The following LPA variants were observed in gnomAD, a reference collection of about 807,000 sequenced individuals.
LPA encodes the protein apolipoprotein(a).
Under a neutral mutation model 197.9 loss-of-function variants are expected in LPA, and 199 were observed. The ratio of observed to expected loss-of-function variants is 1.01; its 90% confidence interval spans 0.90 to 1.13. LPA has a LOEUF of 1.13. LPA is among the 50% of genes most tolerant of loss of function. LPA has a pLI of 0.00. For synonymous variants in LPA, 715 were observed against 639.5 expected (o/e 1.12, Z -1.78); for missense variants, 1,853 against 1,785.8 (o/e 1.04, Z -0.68).
chr6:160,606,243 T>A (rs1257619706), intron 17 of LPA, among the ~76,000 whole-genome samples: 1 of 152,114 alleles, frequency 6.6e-6, no homozygotes, highest in Non-Finnish European at 1.5e-5. Flanking sequence ...AGTTGTGAAG[T>A]CGATCACCCT....
intron 20 of LPA, 123 bp downstream of exon 20, chr6:160,599,377 A>T: frequency 7.0e-7 from 1 of 1,434,456 alleles, no homozygotes; most frequent in Non-Finnish European, 9.8e-7. Flanking sequence ...ACTTTTGCTC[A>T]CAGGAAATGT....
intron 28 of LPA, among the ~76,000 whole-genome samples, chr6:160,567,692 C>T (rs920344498): frequency 2.6e-4 from 40 of 151,996 alleles, no homozygotes; most frequent in Non-Finnish European, 4.1e-4. Flanking sequence ...TTCAAAACAT[C>T]AATGAATCCA....
chr6:160,568,814 A>G (rs1217480618), intron 28 of LPA, among the ~76,000 whole-genome samples: 1 of 152,222 alleles, frequency 6.6e-6, no homozygotes, highest in East Asian at 1.9e-4. Flanking sequence ...TCAATGTGCA[A>G]AAATCACAAG....
intron 30 of LPA, among the ~76,000 whole-genome samples, chr6:160,550,018 C>T (rs550001855): frequency 1.2e-3 from 180 of 152,250 alleles, no homozygotes; most frequent in Admixed American, 2.8e-3. Context: ...GTCAACAGAG[C>T]GAGACCATCT....
At chr6:160,610,457 A>G (rs1412559103) in intron 16 of LPA, among the ~76,000 whole-genome samples, 1 of 152,182 alleles carries the variant, frequency 6.6e-6, no homozygotes, top group African/African-American at 2.4e-5. Context: ...TCTAGCTGGT[A>G]AGAACTCCAA....
chr6:160,580,061 G>A (rs1355707194), intron 26 of LPA, among the ~76,000 whole-genome samples: 2 of 152,132 alleles, frequency 1.3e-5, no homozygotes, highest in African/African-American at 4.8e-5. Context: ...CCCACGGCCA[G>A]TGTCAAATGC....
intron 1 of LPA, among the ~76,000 whole-genome samples, chr6:160,653,439 C>T (rs956642877): frequency 2.0e-5 from 3 of 151,968 alleles, no homozygotes; most frequent in Admixed American, 2.0e-4. Context: ...GAGAACACCC[C>T]GCTCAACAAC....
chr6:160,567,543 G>A (rs955833152), intron 28 of LPA, among the ~76,000 whole-genome samples: 4 of 152,160 alleles, frequency 2.6e-5, no homozygotes, highest in African/African-American at 9.7e-5. Flanking sequence ...GAGAAAGCAG[G>A]AAAGATCTAA....
chr6:160,552,262 A>G (rs895020338), intron 30 of LPA, among the ~76,000 whole-genome samples: 2 of 152,152 alleles, frequency 1.3e-5, no homozygotes, highest in Non-Finnish European at 1.5e-5. Flanking sequence ...ATATTAAGGT[A>G]TATAAGTCCT....
At chr6:160,552,951 T>TTC (rs1483414554) in intron 30 of LPA, among the ~76,000 whole-genome samples, 5 of 152,168 alleles carry the variant, frequency 3.3e-5, no homozygotes, top group Admixed American at 6.5e-5. Context: ...AAAAGGACTA[T>TTC]TCCTCTTACT....
At chr6:160,539,223 AC>A (rs1777939537) in intron 36 of LPA, among the ~76,000 whole-genome samples, 1 of 151,970 alleles carries the variant, frequency 6.6e-6, no homozygotes, top group African/African-American at 2.4e-5. Flanking sequence ...CACAGCGAGC[AC>A]CCCACATGCC....
At chr6:160,554,194 G>A (rs1259083382) in intron 30 of LPA, among the ~76,000 whole-genome samples, 1 of 151,334 alleles carries the variant, frequency 6.6e-6, no homozygotes, top group Non-Finnish European at 1.5e-5. Context: ...TTAAATCTTT[G>A]AACACAATTA....
In LPA at chr6:160,568,929, T is replaced by C. The variant is rs536222331; in HGVS notation, c.4631+8207A>G. On this transcript the variant is annotated intron_variant, in intron 28 of 38. Transcript: ENST00000316300. ...ACCTAGGAATCCAACTTACAAGGGA[T>C]GGGAAGGACCTCTTCAAGGAGAACT... Among the ~76,000 whole-genome samples, 6 of 152,276 alleles carry C rather than the reference T, an allele frequency of 3.9e-5. No individual in the cohort carries two copies. In the South Asian group the frequency reaches 1.2e-3, roughly 32 times the overall value.
At chr6:160,651,174 C>T (rs1432850189) in intron 1 of LPA, among the ~76,000 whole-genome samples, 2 of 152,130 alleles carry the variant, frequency 1.3e-5, no homozygotes, top group South Asian at 2.1e-4. Flanking sequence ...GAATGCATTC[C>T]CTTCAAAGCC....
At chr6:160,610,527 T>C (rs1582884905) in intron 16 of LPA, among the ~76,000 whole-genome samples, 1 of 152,196 alleles carries the variant, frequency 6.6e-6, no homozygotes, top group South Asian at 2.1e-4. Flanking sequence ...CTCTTGTAGT[T>C]GCTGTTTCTC....
intron 21 of LPA, 21 bp from the exon 22 acceptor site, chr6:160,594,138 A>T: frequency 6.2e-7 from 1 of 1,613,640 alleles, no homozygotes; most frequent in Non-Finnish European, 8.5e-7. Context: ...AAGAGGAGAA[A>T]TCAAGCTGAG....
intron 17 of LPA, among the ~76,000 whole-genome samples, chr6:160,605,723 T>A (rs1195035463): frequency 6.6e-6 from 1 of 152,200 alleles, no homozygotes; most frequent in Admixed American, 6.5e-5. Context: ...ACAACAGTCC[T>A]TCGTCTAGGA....
Position 160,566,709 on chromosome 6 carries a change from G to A in LPA, c.4632-9138C>T, listed in dbSNP as rs1778461536. Among the ~76,000 whole-genome samples, 5 of 152,172 alleles carry A rather than the reference G, an allele frequency of 3.3e-5. No individual in the cohort carries two copies. In the South Asian group the frequency reaches 8.3e-4, roughly 25 times the overall value. On this transcript the variant is annotated intron_variant, in intron 28 of 38. Coordinates refer to ENST00000316300, the MANE Select transcript of LPA (RefSeq NM_005577.4). ...GACACAGACTGGAAAATTGGATAAA[G>A]AGTCAAGATCCATCAGTGTGCTGTA...
chr6:160,582,372 TC>T (rs1665231936), intron 26 of LPA, among the ~76,000 whole-genome samples: 1 of 152,092 alleles, frequency 6.6e-6, no homozygotes, highest in Non-Finnish European at 1.5e-5. Flanking sequence ...GATCTTTTTT[TC>T]TTTCTTACAC....
Sources: gnomAD v4.1 joint callset for allele counts (sites outside exome capture counted in the v4.1 genomes callset) on GRCh38, gnomAD v4.1.1 for gene constraint, MANE v1.5 for transcripts, NCBI Gene and HGNC (gene_info 2026-07-23, HGNC 2026-07-21) for gene names.